SEM1: variants seen among roughly 807,000 people sequenced by gnomAD.
SEM1 encodes SEM1 26S proteasome subunit.
SEM1 carries 3 observed loss-of-function variants against 12.7 expected under a neutral mutation model. The observed-to-expected ratio is 0.24, with a 90% CI of 0.11 to 0.61. SEM1 has a LOEUF of 0.61. SEM1 is among the 20% of genes least tolerant of loss of function. SEM1 has a pLI of 0.88. For missense variants in SEM1, 59 were observed against 81.3 expected, an observed-to-expected ratio of 0.73 and a Z score of 1.06; for synonymous variants, 30 against 27.8, an observed-to-expected ratio of 1.08 and a Z score of -0.25.
intron 2 of SEM1, chr7:96,645,871 G>A (rs1359517972): frequency 5.0e-6 from 2 of 398,324 alleles, no homozygotes; most frequent in Non-Finnish European, 8.9e-6. Flanking sequence ...TCTGGGAATG[G>A]AGGTGGGCAT....
At chr7:96,670,295 G>T (rs1789282331), downstream of SEM1, among the ~76,000 whole-genome samples, 1 of 152,106 alleles carries the variant, frequency 6.6e-6, no homozygotes, top group Admixed American at 6.6e-5. Flanking sequence ...GGAGTTACAT[G>T]AGCAAATGGC....
intron 2 of SEM1, among the ~76,000 whole-genome samples, chr7:96,682,048 T>C (rs986535476): frequency 6.6e-6 from 1 of 152,168 alleles, no homozygotes; most frequent in Admixed American, 6.6e-5. Flanking sequence ...GTTTGTGTCC[T>C]CTCTTATTTC....
intron 1 of SEM1, among the ~76,000 whole-genome samples, chr7:96,703,383 C>T (rs2116004107): frequency 6.6e-6 from 1 of 152,266 alleles, no homozygotes; most frequent in South Asian, 2.1e-4. Context: ...AGGTTGGCAA[C>T]TTATTCACAA....
At chr7:96,665,919 C>A (rs1288451233) in intron 2 of SEM1, among the ~76,000 whole-genome samples, 2 of 152,158 alleles carry the variant, frequency 1.3e-5, no homozygotes, top group East Asian at 1.9e-4. Context: ...AAAGCTAGGG[C>A]TCAGAGAGGT....
chr7:96,490,308 A>G (rs1235288520), intron 1 of SEM1, among the ~76,000 whole-genome samples: 1 of 152,142 alleles, frequency 6.6e-6, no homozygotes, highest in Non-Finnish European at 1.5e-5. Context: ...TCCTCAAACA[A>G]CAAAAGATAT....
At chr7:96,701,619 T>A (rs1790277566) in intron 1 of SEM1, among the ~76,000 whole-genome samples, 1 of 152,146 alleles carries the variant, frequency 6.6e-6, no homozygotes, top group Non-Finnish European at 1.5e-5. Context: ...CTAATAAATA[T>A]TATTAGCCAT....
intron 2 of SEM1, among the ~76,000 whole-genome samples, chr7:96,522,596 G>T (rs570739306): frequency 6.6e-6 from 1 of 151,796 alleles, no homozygotes; most frequent in East Asian, 1.9e-4. Context: ...ATGTTGTTGG[G>T]GTCAGGCACA....
intron 2 of SEM1, among the ~76,000 whole-genome samples, chr7:96,680,857 A>G (rs1393389979): frequency 1.3e-5 from 2 of 152,132 alleles, no homozygotes; most frequent in Non-Finnish European, 2.9e-5. Context: ...ATTGTTTGTC[A>G]TTAGTTTCTG....
chr7:96,488,730 G>A (rs1802868745), intron 1 of SEM1, among the ~76,000 whole-genome samples: 1 of 152,034 alleles, frequency 6.6e-6, no homozygotes, highest in Non-Finnish European at 1.5e-5. Flanking sequence ...CATCAAGGGG[G>A]ACAATTTCCA....
At chr7:96,570,528 T>C (rs1205277410) in intron 2 of SEM1, among the ~76,000 whole-genome samples, 1 of 152,228 alleles carries the variant, frequency 6.6e-6, no homozygotes, top group African/African-American at 2.4e-5. Flanking sequence ...CATAAACTCA[T>C]CCTTTTTATG....
chr7:96,670,815 T>C (rs1789294738), downstream of SEM1, among the ~76,000 whole-genome samples: 2 of 152,356 alleles, frequency 1.3e-5, no homozygotes, highest in South Asian at 4.1e-4. Context: ...GCATGCAATG[T>C]GCCTGATATA....
chr7:96,697,236 A>AAT (rs1790125325), intron 1 of SEM1: 1 of 151,742 alleles, frequency 6.6e-6, no homozygotes, highest in Non-Finnish European at 1.5e-5. Context: ...ACAGATGCCT[A>AAT]ATACATAAGT....
intron 2 of SEM1, among the ~76,000 whole-genome samples, chr7:96,682,456 C>T (rs955832206): frequency 6.6e-6 from 1 of 152,022 alleles, no homozygotes; most frequent in Non-Finnish European, 1.5e-5. Context: ...TCATCCTTGT[C>T]TTGTACCGGT....
intron 2 of SEM1, among the ~76,000 whole-genome samples, chr7:96,599,921 G>C (rs545827931): frequency 1.9e-3 from 288 of 152,296 alleles, no homozygotes; most frequent in Non-Finnish European, 3.7e-3. Flanking sequence ...TTAAGAACAT[G>C]TTAGCTTATC....
At chr7:96,626,367 T>C (rs1779406654) in intron 2 of SEM1, among the ~76,000 whole-genome samples, 1 of 152,222 alleles carries the variant, frequency 6.6e-6, no homozygotes, top group South Asian at 2.1e-4. Flanking sequence ...ATTCTTTTTA[T>C]GGCTGAATAG....
At chr7:96,649,079 T>A (rs934117166) in intron 2 of SEM1, 2 of 152,230 alleles carry the variant, frequency 1.3e-5, no homozygotes, top group African/African-American at 4.8e-5. Flanking sequence ...GTGCAGCACA[T>A]CACTGAAGAT....
intron 2 of SEM1, chr7:96,647,683 C>T (rs1808844319): frequency 6.6e-6 from 1 of 152,146 alleles, no homozygotes; most frequent in South Asian, 2.1e-4. Context: ...GATATTACAT[C>T]CCATGAACAC....
intron 2 of SEM1, among the ~76,000 whole-genome samples, chr7:96,629,859 A>G (rs1180997638): frequency 6.6e-6 from 1 of 152,242 alleles, no homozygotes; most frequent in Non-Finnish European, 1.5e-5. Context: ...CCCATGCCCA[A>G]TAATGCAGTG....
chr7:96,613,054 T>A (rs1293652571), intron 2 of SEM1, among the ~76,000 whole-genome samples: 1 of 152,220 alleles, frequency 6.6e-6, no homozygotes, highest in Non-Finnish European at 1.5e-5. Flanking sequence ...ATGTTAACAT[T>A]TGATCATGGT....
Sources: gnomAD v4.1 joint callset for allele counts (sites outside exome capture counted in the v4.1 genomes callset) on GRCh38, gnomAD v4.1.1 for gene constraint, MANE v1.5 for transcripts, NCBI Gene and HGNC (gene_info 2026-07-23, HGNC 2026-07-21) for gene names.